Variants in TDRP observed in about 807,000 individuals in gnomAD.
TDRP encodes the protein testis development-related protein.
A neutral mutation model predicts 10.5 loss-of-function variants in TDRP; 12 were observed. The ratio of observed to expected loss-of-function variants is 1.15; its 90% CI spans 0.73 to 1.86. The LOEUF is 1.86. Among genes scored for constraint, TDRP ranks in the 40% most tolerant of loss-of-function variants. The pLI, the probability that TDRP is intolerant of heterozygous loss-of-function variation, is 0.00. For missense variants in TDRP, 353 were observed against 229.2 expected, an observed-to-expected ratio of 1.54 and a Z score of -3.49; for synonymous variants, 139 against 95.4, an observed-to-expected ratio of 1.46 and a Z score of -2.67.
At chr8:497,648 A>G (rs547375382) in intron 1 of TDRP, among the ~76,000 whole-genome samples, 2 of 152,344 alleles carry the variant, frequency 1.3e-5, no homozygotes, top group Non-Finnish European at 2.9e-5. Flanking sequence ...AGCTGCAAAA[A>G]TTTGCATAAG....
At chr8:523,849 A>G (rs192704479) in intron 1 of TDRP, among the ~76,000 whole-genome samples, 1 of 152,290 alleles carries the variant, frequency 6.6e-6, no homozygotes, top group Non-Finnish European at 1.5e-5. Context: ...GCATCCCTAG[A>G]TACATCCAGG....
chr8:528,545 T>C (rs1026360002), intron 1 of TDRP, among the ~76,000 whole-genome samples: 10 of 149,694 alleles, frequency 6.7e-5, no homozygotes, highest in Non-Finnish European at 7.4e-5. Flanking sequence ...AAAATATAGT[T>C]AGCATAAGAT....
intron 1 of TDRP, among the ~76,000 whole-genome samples, chr8:496,114 G>A (rs1028674082): frequency 1.3e-5 from 2 of 152,118 alleles, no homozygotes; most frequent in African/African-American, 4.8e-5. Context: ...ATCACACACT[G>A]CACAAAAACC....
chr8:496,136 C>CCAT (rs570935202), intron 1 of TDRP, among the ~76,000 whole-genome samples: 164 of 152,160 alleles, frequency 1.1e-3, no homozygotes, highest in Non-Finnish European at 2.2e-3. Context: ...ACCAAAGAAA[C>CCAT]CATCACAGCA....
intron 1 of TDRP, among the ~76,000 whole-genome samples, chr8:542,957 G>T (rs1028158638): frequency 2.0e-5 from 3 of 151,652 alleles, no homozygotes; most frequent in Admixed American, 1.3e-4. Context: ...CTAGCTGGAG[G>T]ATACGAGGAA....
chr8:529,891 T>C (rs559339951), intron 1 of TDRP, among the ~76,000 whole-genome samples: 26 of 152,186 alleles, frequency 1.7e-4, no homozygotes, highest in Non-Finnish European at 1.9e-4. Context: ...TGGAGTCCTT[T>C]GAGATTCTTG....
chr8:493,253 G>C (rs1801029887), intron 2 of TDRP, among the ~76,000 whole-genome samples: 2 of 152,220 alleles, frequency 1.3e-5, no homozygotes, highest in African/African-American at 4.8e-5. Context: ...GACAGCTAGG[G>C]AAGAAAGATC....
At chr8:500,801 G>C (rs1329214114) in intron 1 of TDRP, among the ~76,000 whole-genome samples, 1 of 152,186 alleles carries the variant, frequency 6.6e-6, no homozygotes, top group Non-Finnish European at 1.5e-5. Flanking sequence ...GCAGGAAATA[G>C]CACAGCAAGG....
At chr8:534,444 A>T (rs981728578) in intron 1 of TDRP, among the ~76,000 whole-genome samples, 1 of 152,188 alleles carries the variant, frequency 6.6e-6, no homozygotes, top group Non-Finnish European at 1.5e-5. Flanking sequence ...CTGTTGATTC[A>T]TTCACACCGA....
In TDRP at chr8:524,943, T is replaced by C. The variant is rs143281657; in HGVS notation, c.108+19707A>G. On this transcript the variant is annotated intron_variant, in intron 1 of 2. Transcript: ENST00000324079. ...AACTTCTCAATCCTAGAGAAAGACA[T>C]CTATATTCAAGTACAAGAAGATTAT... is the stretch of plus-strand genomic sequence containing the variant. Among the ~76,000 whole-genome samples, 310 of 152,232 alleles carry C rather than the reference T, an allele frequency of 2.0e-3. 2 individuals are homozygous for C. Among genetic ancestry groups the C allele is most frequent in the African/African-American group, 7.3e-3 (303 of 41,542 alleles).
intron 1 of TDRP, among the ~76,000 whole-genome samples, chr8:514,178 C>T (rs1210531725): frequency 6.6e-6 from 1 of 152,160 alleles, no homozygotes; most frequent in Non-Finnish European, 1.5e-5. Flanking sequence ...CTCACACTTG[C>T]CATTTCAAAC....
intron 1 of TDRP, among the ~76,000 whole-genome samples, chr8:514,120 G>T (rs977796020): frequency 6.6e-6 from 1 of 152,074 alleles, no homozygotes; most frequent in Non-Finnish European, 1.5e-5. Context: ...AAAATAACAG[G>T]GGATTCAAGC....
chr8:525,270 G>A (rs1219191741), intron 1 of TDRP, among the ~76,000 whole-genome samples: 3 of 152,100 alleles, frequency 2.0e-5, no homozygotes, highest in Non-Finnish European at 4.4e-5. Context: ...AAAAGCTGAG[G>A]ATTTTCACCA....
intron 1 of TDRP, among the ~76,000 whole-genome samples, chr8:497,087 G>A (rs1339528332): frequency 1.3e-5 from 2 of 152,216 alleles, no homozygotes; most frequent in African/African-American, 4.8e-5. Flanking sequence ...GGTACGAGAG[G>A]AGTGCGGTAC....
intron 2 of TDRP, 133 bp from the exon 3 acceptor site, chr8:492,877 G>T: frequency 2.7e-6 from 2 of 735,272 alleles, no homozygotes; most frequent in East Asian, 2.9e-5. Context: ...TATATGAAAA[G>T]TTTCAAATAT....
intron 1 of TDRP, among the ~76,000 whole-genome samples, chr8:530,747 G>C (rs1802170592): frequency 6.6e-6 from 1 of 152,098 alleles, no homozygotes; most frequent in Admixed American, 6.6e-5. Context: ...ACATACCCTT[G>C]GTTCTCTCAG....
intron 1 of TDRP, among the ~76,000 whole-genome samples, chr8:502,085 C>T (rs1313451439): frequency 6.6e-6 from 1 of 152,214 alleles, no homozygotes; most frequent in Non-Finnish European, 1.5e-5. Context: ...CTCCCACCTT[C>T]CTGAATACTG....
At chr8:525,417 A>G (rs1358293479) in intron 1 of TDRP, among the ~76,000 whole-genome samples, 2 of 152,220 alleles carry the variant, frequency 1.3e-5, no homozygotes, top group South Asian at 2.1e-4. Context: ...ACAGAATATT[A>G]TAACACTGTA....
chr8:509,442 G>A lies in TDRP; in HGVS notation c.109-14845C>T, dbSNP rs186858962. Among the ~76,000 whole-genome samples, 371 of 152,228 alleles carry A rather than the reference G, an allele frequency of 2.4e-3. 1 individual carries two copies. The highest frequency in any genetic ancestry group is 4.2e-3 in the Non-Finnish European group (289 of 68,026). ...TTCTCAAACCTCAATTCTTGACTTC[G>A]GTGCAGTCGTAGGACCAACACCAAG... On this transcript the variant is annotated intron_variant, in intron 1 of 2. Coordinates refer to ENST00000324079, the MANE Select transcript of TDRP (RefSeq NM_001384899.1).
Sources: gnomAD v4.1 joint callset for allele counts (sites outside exome capture counted in the v4.1 genomes callset) on GRCh38, gnomAD v4.1.1 for gene constraint, MANE v1.5 for transcripts, NCBI Gene and HGNC (gene_info 2026-07-23, HGNC 2026-07-21) for gene names.